SNX6: variants seen among roughly 807,000 people sequenced by gnomAD.
The protein encoded by SNX6 is sorting nexin-6.
In SNX6, 34 loss-of-function variants were observed where a neutral mutation model predicts 63.0. The ratio of observed to expected loss-of-function variants is 0.54; its 90% CI spans 0.41 to 0.72. The LOEUF is 0.72. SNX6 is among the 30% of genes least tolerant of loss of function. SNX6 has a pLI of 0.00. For missense variants in SNX6, 398 were observed against 471.4 expected (o/e 0.84, Z 1.44); for synonymous variants, 170 against 164.2 (o/e 1.04, Z -0.27).
intron 2 of SNX6, among the ~76,000 whole-genome samples, chr14:34,612,883 C>T (rs1290348942): frequency 6.6e-6 from 1 of 151,860 alleles, no homozygotes; most frequent in Non-Finnish European, 1.5e-5. Flanking sequence ...AGCCCTGTCT[C>T]TACTAAAAAC....
At chr14:34,628,964 C>T (rs1883931929) in intron 2 of SNX6, among the ~76,000 whole-genome samples, 1 of 151,974 alleles carries the variant, frequency 6.6e-6, no homozygotes, top group Non-Finnish European at 1.5e-5. Flanking sequence ...AGGGAGGAAT[C>T]AGAGCCCGGA....
chr14:34,626,202 C>G (rs1883817508), intron 2 of SNX6, among the ~76,000 whole-genome samples: 1 of 152,054 alleles, frequency 6.6e-6, no homozygotes, highest in Non-Finnish European at 1.5e-5. Flanking sequence ...TAAGGAAGAA[C>G]TGGGTAAGTG....
chr14:34,604,313 C>A, intron 5 of SNX6: 13 of 1,226,532 alleles, frequency 1.1e-5, no homozygotes, highest in Non-Finnish European at 1.2e-5. Flanking sequence ...ACTGGAAAAT[C>A]ACAGATTCTT....
At chr14:34,576,452 A>ATTT (rs761952812) in intron 10 of SNX6, among the ~76,000 whole-genome samples, 1 of 63,162 alleles carries the variant, frequency 1.6e-5, no homozygotes, top group Non-Finnish European at 4.3e-5. Context: ...ATATATATAT[A>ATTT]TTTTTTTTTT....
chr14:34,608,827 G>C (rs892341983), intron 3 of SNX6, among the ~76,000 whole-genome samples: 4 of 151,590 alleles, frequency 2.6e-5, no homozygotes, highest in African/African-American at 7.3e-5. Context: ...TCAGGAGTTC[G>C]AGACCACCCT....
At position 34,586,265 on chromosome 14, in the gene SNX6, A is replaced by C. The variant is rs1286706124; in HGVS notation, c.759T>G (p.Tyr253Ter). The change falls in exon 9 of 14, where the codon TAT becomes TAG. Residue 253 changes from tyrosine (Y) to a stop codon, truncating the protein, a stop_gained. Transcript: ENST00000362031. LOFTEE classifies it high-confidence loss of function. ...CTGTAGAATCCTGAGTTCCTAAAGC[A>C]TATAATGAAGAACCAATTCTATTGT... ...DDYNRIGSSL[Y>*]ALGTQDSTDI... 1.2e-6 allele frequency: 2 copies of C among 1,609,376 alleles called. No homozygotes were observed. The highest frequency in any genetic ancestry group is 1.7e-6 in the Non-Finnish European group (2 of 1,176,004).
Position 34,569,027 on chromosome 14 carries a change from C to T in SNX6, c.922-1014G>A. The T allele has an allele frequency of 3.4e-6, 5 of 1,454,792 alleles. No individual in the cohort carries two copies. The Admixed American group carries it at 8.4e-5, about 24-fold the overall frequency. 90.1% of individuals were successfully genotyped at this position (1,454,792 alleles called of 1,614,324 possible). ...TGCTTGGCCAGCAGCTTGACGGTGT[C>T]CACCCATTCGGGGACTTTCAGCTTC... On this transcript the variant is annotated intron_variant, in intron 11 of 13. Transcript: ENST00000362031.
At chr14:34,629,190 G>T (rs2138402319) in intron 2 of SNX6, among the ~76,000 whole-genome samples, 1 of 151,882 alleles carries the variant, frequency 6.6e-6, no homozygotes, top group Admixed American at 6.6e-5. Context: ...GGTTGATTTT[G>T]GTACTCATTT....
At chr14:34,602,547 C>T (rs546931064) in intron 6 of SNX6, among the ~76,000 whole-genome samples, 41 of 145,758 alleles carry the variant, frequency 2.8e-4, no homozygotes, top group Non-Finnish European at 4.6e-4. Context: ...GCCAAGATTG[C>T]GCCACGGCAC....
intron 8 of SNX6, among the ~76,000 whole-genome samples, chr14:34,588,461 G>A (rs1882262873): frequency 6.6e-6 from 1 of 152,058 alleles, no homozygotes; most frequent in South Asian, 2.1e-4. Context: ...ATGTTGCCCA[G>A]GCTGGTCTCG....
At position 34,609,682 on chromosome 14, in the gene SNX6, C is replaced by A; in HGVS notation, c.115G>T (p.Ala39Ser). Reference protein sequence around the residue: ...DAALQVDISDALSERDKVKFT... With the variant: ...DAALQVDISDSLSERDKVKFT... ...TTTACTTTATCCCGCTCACTAAGAG[C>A]ATCAGAAATGTCCACCTGCAGAGCA... Residue 39 changes from alanine (A) to serine (S), a missense_variant, in exon 3 of 14, where the codon GCT becomes TCT. Coordinates refer to ENST00000362031, the MANE Select transcript of SNX6 (RefSeq NM_152233.4). The A allele has an allele frequency of 6.2e-7, 1 of 1,613,256 alleles. No homozygotes were observed.
chr14:34,619,427 A>AAT (rs1044388533), intron 2 of SNX6, among the ~76,000 whole-genome samples: 11 of 150,902 alleles, frequency 7.3e-5, no homozygotes, highest in Admixed American at 1.3e-4. Flanking sequence ...GTCTCAAAAA[A>AAT]ATATATATAT....
Position 34,562,934 on chromosome 14 carries a change from T to C in SNX6, c.*188A>G, listed in dbSNP as rs1880994336. On this transcript the variant is annotated 3_prime_UTR_variant, in exon 14 of 14. Transcript: ENST00000362031. ...CTGTCATGGGGAACACAGTGCGGCA[T>C]CACGGCACACAGACTGGCATCGCCT... The C allele has an allele frequency of 1.6e-6, 1 of 617,452 alleles. No homozygotes were observed. 38.2% of individuals were successfully genotyped at this position (617,452 alleles called of 1,614,324 possible). A position where few individuals can be genotyped will look rare whatever the true frequency, so the allele number is the denominator to read the frequency against.
chr14:34,611,530 T>C (rs1488214473), intron 2 of SNX6, among the ~76,000 whole-genome samples: 1 of 150,486 alleles, frequency 6.6e-6, no homozygotes, highest in African/African-American at 2.4e-5. Flanking sequence ...ACACCTATAA[T>C]CCCAGCACTT....
intron 3 of SNX6, among the ~76,000 whole-genome samples, chr14:34,609,151 C>T (rs936424167): frequency 5.9e-5 from 9 of 151,560 alleles, no homozygotes; most frequent in African/African-American, 1.9e-4. Context: ...ATTAAATTTG[C>T]CTTCTGTCTA....
chr14:34,586,578 C>A (rs1238061233), intron 8 of SNX6, among the ~76,000 whole-genome samples: 1 of 152,026 alleles, frequency 6.6e-6, no homozygotes, highest in East Asian at 1.9e-4. Flanking sequence ...TGTGGTTGCA[C>A]ATGCCTGTAA....
intron 2 of SNX6, among the ~76,000 whole-genome samples, chr14:34,629,140 C>CAA (rs529012605): frequency 6.1e-4 from 92 of 149,940 alleles, no homozygotes; most frequent in Non-Finnish European, 1.1e-3. Context: ...TGTTCTCACA[C>CAA]AAAAAAAAAT....
chr14:34,566,096 T>G (rs893514351), intron 13 of SNX6, among the ~76,000 whole-genome samples: 2 of 151,912 alleles, frequency 1.3e-5, no homozygotes, highest in African/African-American at 4.8e-5. Context: ...GTGCCCAGCC[T>G]CTCTTTAAAA....
At chr14:34,602,759 G>A (rs1882869751) in intron 6 of SNX6, among the ~76,000 whole-genome samples, 2 of 151,858 alleles carry the variant, frequency 1.3e-5, no homozygotes, top group Admixed American at 1.3e-4. Context: ...GGTGGATCAC[G>A]AGGTCAGGAG....
Sources: allele counts gnomAD v4.1 joint callset (sites outside exome capture counted in the v4.1 genomes callset), GRCh38; gene constraint gnomAD v4.1.1; transcripts MANE v1.5; gene names NCBI Gene and HGNC (gene_info 2026-07-23, HGNC 2026-07-21).